The following ANO3 variants were observed in gnomAD, a reference collection of about 807,000 sequenced individuals.
ANO3 encodes the protein anoctamin-3.
Under a neutral mutation model 144.8 loss-of-function variants are expected in ANO3, and 99 were observed. The ratio of observed to expected loss-of-function variants is 0.68; its 90% confidence interval spans 0.58 to 0.81. The LOEUF (loss-of-function observed/expected upper bound fraction) is 0.81. Among genes scored for constraint, ANO3 ranks in the 30% least tolerant of loss-of-function variants. ANO3 has a pLI of 0.00. For missense variants in ANO3, 905 were observed against 1,202.2 expected, an observed-to-expected ratio of 0.75 and a Z score of 3.66; for synonymous variants, 414 against 392.6, an observed-to-expected ratio of 1.05 and a Z score of -0.64.
intron 14 of ANO3, among the ~76,000 whole-genome samples, chr11:26,597,200 A>ACTCCCAAGATGGGGCGGGCTG (rs1851658364): frequency 1.3e-5 from 2 of 151,936 alleles, no homozygotes; most frequent in Non-Finnish European, 2.9e-5. Flanking sequence ...GTGGCAGGCC[A>ACTCCCAAGATGGGGCGGGCTG]CTCCCAAGAT....
chr11:26,567,095 T>C, intron 14 of ANO3: 1 of 1,479,460 alleles, frequency 6.8e-7, no homozygotes, highest in Non-Finnish European at 9.0e-7. Context: ...TTATGCCCAT[T>C]TTGCAGATGA....
rs375876116 is a variant in ANO3 at position 26,350,065 on chromosome 11, G to GGAGACAGGAACGGAAGGGGGAT, written c.46+17765_46+17766insTGAGACAGGAACGGAAGGGGGA. 8.6e-3 allele frequency among the ~76,000 whole-genome samples: 1,310 copies of GGAGACAGGAACGGAAGGGGGAT among 152,180 alleles called. 11 individuals carry two copies. Among genetic ancestry groups the GGAGACAGGAACGGAAGGGGGAT allele is most frequent in the African/African-American group, 0.03 (1,226 of 41,480 alleles). On this transcript the variant is annotated intron_variant, in intron 1 of 26. Transcript: ENST00000256737. ...GGAGGAGACAGGAACGGAAGGGGGA[G>GGAGACAGGAACGGAAGGGGGAT]GAGACAGGAACGGAAGGGGGAGAAG...
chr11:26,475,057 A>T (rs1859909755), intron 4 of ANO3, among the ~76,000 whole-genome samples: 1 of 151,968 alleles, frequency 6.6e-6, no homozygotes, highest in Non-Finnish European at 1.5e-5. Flanking sequence ...TCATTAGATA[A>T]ACTAGAGAAC....
At chr11:26,590,762 C>T (rs111534309) in intron 14 of ANO3, among the ~76,000 whole-genome samples, 2,501 of 152,316 alleles carry the variant, frequency 0.016, 35 homozygotes, top group Middle Eastern at 0.048. Context: ...AGGAGCACAG[C>T]GGACACCCTG....
intron 17 of ANO3, among the ~76,000 whole-genome samples, chr11:26,623,829 C>T (rs1453707765): frequency 6.6e-6 from 1 of 151,794 alleles, no homozygotes; most frequent in Non-Finnish European, 1.5e-5. Context: ...CACTCTCGCC[C>T]AGGCTGGAGT....
At chr11:26,474,468 C>A (rs1859889482) in intron 4 of ANO3, among the ~76,000 whole-genome samples, 1 of 151,556 alleles carries the variant, frequency 6.6e-6, no homozygotes, top group Admixed American at 6.6e-5. Flanking sequence ...AAAATATTTT[C>A]AATTTTTCTT....
intron 1 of ANO3, among the ~76,000 whole-genome samples, chr11:26,344,576 A>G (rs1416123598): frequency 6.6e-6 from 1 of 152,044 alleles, no homozygotes; most frequent in Non-Finnish European, 1.5e-5. Flanking sequence ...CATGTTAGCC[A>G]GGATGGTCTT....
intron 1 of ANO3, among the ~76,000 whole-genome samples, chr11:26,428,473 A>G (rs866637685): frequency 6.6e-6 from 1 of 152,228 alleles, no homozygotes; most frequent in Admixed American, 6.5e-5. Flanking sequence ...AAAGTACAAA[A>G]CAAGAACAAG....
intron 14 of ANO3, among the ~76,000 whole-genome samples, chr11:26,586,354 CT>C (rs143903766): frequency 0.019 from 2,334 of 125,490 alleles, 17 homozygotes; most frequent in South Asian, 0.045. Flanking sequence ...CTCCTGTATT[CT>C]TTTTTTTTTT....
In ANO3 at chr11:26,275,166, G is replaced by A. The variant is rs185877150; in HGVS notation, c.155-34479G>A. Among the ~76,000 whole-genome samples the A allele has an allele frequency of 5.2e-3, 789 of 152,004 alleles. 7 individuals are homozygous for A. The highest frequency in any genetic ancestry group is 0.017 in the African/African-American group (686 of 41,482). ...TCACATATTTGTGGGGCTGACCAGC[G>A]TTATATTTAGAAGAAATGGAATCTG... On this transcript the variant is annotated intron_variant, in intron 1 of 27. Coordinates refer to the ANO3 transcript ENST00000672621.
At chr11:26,412,795 A>AGTGTGTGTGTGTGTGTGTGTGTGTGT (rs60855252) in intron 1 of ANO3, among the ~76,000 whole-genome samples, 2 of 140,128 alleles carry the variant, frequency 1.4e-5, no homozygotes, top group South Asian at 2.4e-4. Context: ...GAGAAAGGAA[A>AGTGTGTGTGTGTGTGTGTGTGTGTGT]GTGTGTGTGT....
intron 1 of ANO3, among the ~76,000 whole-genome samples, chr11:26,345,833 A>C (rs1307433360): frequency 3.3e-5 from 5 of 152,230 alleles, no homozygotes; most frequent in African/African-American, 1.2e-4. Context: ...TGTTTCAAAA[A>C]TATGCCAAAA....
At chr11:26,594,059 G>A (rs927537847) in intron 14 of ANO3, among the ~76,000 whole-genome samples, 1 of 152,190 alleles carries the variant, frequency 6.6e-6, no homozygotes, top group Non-Finnish European at 1.5e-5. Flanking sequence ...TGACAGAGAG[G>A]TATGCTTCCC....
chr11:26,433,634 T>A (rs914090427), intron 1 of ANO3, among the ~76,000 whole-genome samples: 1 of 152,232 alleles, frequency 6.6e-6, no homozygotes, highest in Non-Finnish European at 1.5e-5. Flanking sequence ...AAAGCCTTTC[T>A]GCATCTATTG....
chr11:26,391,650 A>G (rs964065544), intron 1 of ANO3, among the ~76,000 whole-genome samples: 1 of 152,100 alleles, frequency 6.6e-6, no homozygotes, highest in Non-Finnish European at 1.5e-5. Flanking sequence ...TCTCTTCTGC[A>G]ATCTCTGTGG....
intron 1 of ANO3, among the ~76,000 whole-genome samples, chr11:26,423,939 G>C (rs1857836384): frequency 6.6e-6 from 1 of 151,548 alleles, no homozygotes; most frequent in Admixed American, 6.6e-5. Flanking sequence ...ACCTCTCCTA[G>C]TTTCATTTCC....
intron 1 of ANO3, among the ~76,000 whole-genome samples, chr11:26,259,722 G>A (rs190817205): frequency 2.6e-5 from 4 of 152,126 alleles, no homozygotes; most frequent in Admixed American, 2.6e-4. Flanking sequence ...GGATACTAAT[G>A]AGCAGAACAC....
chr11:26,280,863 G>C (rs1054829353), intron 1 of ANO3, among the ~76,000 whole-genome samples: 2 of 152,144 alleles, frequency 1.3e-5, no homozygotes, highest in African/African-American at 4.8e-5. Flanking sequence ...AAGCCATAAG[G>C]CCTCTGCACA....
At chr11:26,329,031 T>C (rs1320129250), upstream of ANO3, among the ~76,000 whole-genome samples, 1 of 151,942 alleles carries the variant, frequency 6.6e-6, no homozygotes, top group Admixed American at 6.6e-5. Context: ...TTATATAAAA[T>C]ACACATTTTG....
Sources: allele counts gnomAD v4.1 joint callset (sites outside exome capture counted in the v4.1 genomes callset), GRCh38; gene constraint gnomAD v4.1.1; transcripts MANE v1.5; gene names NCBI Gene and HGNC (gene_info 2026-07-23, HGNC 2026-07-21).